The following DPYSL5 variants were observed in gnomAD, a reference collection of about 807,000 sequenced individuals.
DPYSL5 encodes the protein dihydropyrimidinase-related protein 5.
A neutral mutation model predicts 58.4 loss-of-function variants in DPYSL5; 9 were observed. That is an observed-to-expected ratio of 0.15 (90% confidence interval 0.09 to 0.27). The LOEUF is 0.27. DPYSL5 is among the 10% of genes least tolerant of loss of function. The pLI, the probability that DPYSL5 is intolerant of heterozygous loss-of-function variation, is 1.00. For missense variants in DPYSL5, 499 were observed against 770.6 expected (o/e 0.65, Z 4.17); for synonymous variants, 293 against 301.9 (o/e 0.97, Z 0.31).
chr2:26,878,185 C>G (rs1663461429), intron 1 of DPYSL5, among the ~76,000 whole-genome samples: 1 of 152,142 alleles, frequency 6.6e-6, no homozygotes, highest in Non-Finnish European at 1.5e-5. Flanking sequence ...GTTCTGTGTG[C>G]TATTATGAAT....
At chr2:26,872,806 C>T (rs1191441751) in intron 1 of DPYSL5, among the ~76,000 whole-genome samples, 5 of 146,968 alleles carry the variant, frequency 3.4e-5, no homozygotes, top group Admixed American at 6.8e-5. Context: ...GACTCTGTCT[C>T]AAAAAAATAA....
At chr2:26,945,514 C>T (rs1242271098) in intron 12 of DPYSL5, among the ~76,000 whole-genome samples, 2 of 151,054 alleles carry the variant, frequency 1.3e-5, no homozygotes, top group Non-Finnish European at 3.0e-5. Context: ...CCCCCCGTCC[C>T]CCCCCGCACC....
At chr2:26,866,175 C>A (rs1666134154) in intron 1 of DPYSL5, among the ~76,000 whole-genome samples, 1 of 152,196 alleles carries the variant, frequency 6.6e-6, no homozygotes, top group African/African-American at 2.4e-5. Context: ...TGTGTGATAT[C>A]AAGCAAATTA....
rs1202294347 is a variant in DPYSL5 at position 26,911,084 on chromosome 2, T to TA, written c.261+12324_261+12325insA. ...GTATGTGGTATCTATGTTCAGTTTT[T>TA]TTTTTTTTTTTTTTGCAAATGGCTA... is the stretch of plus-strand genomic sequence containing the variant. On this transcript the variant is annotated intron_variant, in intron 2 of 12. Coordinates refer to ENST00000288699, the MANE Select transcript of DPYSL5 (RefSeq NM_020134.4). Among the ~76,000 whole-genome samples the TA allele has an allele frequency of 2.0e-5, 3 of 150,298 alleles. No homozygotes were observed. The East Asian group carries it at 5.8e-4, about 29-fold the overall frequency.
chr2:26,930,544 G>GCAA (rs1664944808), intron 5 of DPYSL5, among the ~76,000 whole-genome samples: 1 of 152,202 alleles, frequency 6.6e-6, no homozygotes, highest in Non-Finnish European at 1.5e-5. Context: ...ACGCAACTCG[G>GCAA]CTGGGTGCAG....
At chr2:26,909,033 T>G (rs1664367025) in intron 2 of DPYSL5, among the ~76,000 whole-genome samples, 1 of 152,232 alleles carries the variant, frequency 6.6e-6, no homozygotes. Flanking sequence ...ATATTTGTGT[T>G]GAAAATAAGG....
chr2:26,853,345 A>T (rs941401220), intron 1 of DPYSL5, among the ~76,000 whole-genome samples: 5 of 152,160 alleles, frequency 3.3e-5, no homozygotes. Flanking sequence ...CCAGCTAAGA[A>T]ATACAGAATT....
At chr2:26,920,570 A>G (rs1664678062) in intron 2 of DPYSL5, among the ~76,000 whole-genome samples, 1 of 152,228 alleles carries the variant, frequency 6.6e-6, no homozygotes, top group African/African-American at 2.4e-5. Flanking sequence ...GGTCAAGACC[A>G]GTCTGGCCAA....
chr2:26,848,496 TAGTA>T (rs1665655264), intron 1 of DPYSL5: 1 of 152,382 alleles, frequency 6.6e-6, no homozygotes, highest in Non-Finnish European at 1.5e-5. Context: ...GCCTTGCTCA[TAGTA>T]AGCGTTTAAT....
intron 6 of DPYSL5, among the ~76,000 whole-genome samples, chr2:26,932,185 A>AGAAAGAC (rs1665036963): frequency 1.4e-5 from 1 of 70,300 alleles, no homozygotes; most frequent in South Asian, 5.8e-4. Context: ...GAAAGAAAGA[A>AGAAAGAC]AGAAAGAAAG....
In DPYSL5 at chr2:26,934,017, G is replaced by A. The variant is rs142920496; in HGVS notation, c.791-561G>A. ...GGGCATCCTGGCCTTCAACTCTATC[G>A]CCCTCTAGATCCCGCCACCTGCCTC... On this transcript the variant is annotated intron_variant, in intron 7 of 12. Transcript: ENST00000288699. This position sits in a 1 kb window ranked among gnomAD's most constrained non-coding sequence, Gnocchi z 4.3. Among the ~76,000 whole-genome samples the A allele has an allele frequency of 5.3e-5, 8 of 152,038 alleles. No homozygotes were observed. The highest frequency in any genetic ancestry group is 3.9e-4 in the East Asian group (2 of 5,170).
chr2:26,890,255 T>G (rs1663841329), intron 1 of DPYSL5, among the ~76,000 whole-genome samples: 1 of 152,238 alleles, frequency 6.6e-6, no homozygotes, highest in South Asian at 2.1e-4. Flanking sequence ...CTCCGCAGAC[T>G]GAGTTTCTTA....
intron 1 of DPYSL5, among the ~76,000 whole-genome samples, chr2:26,853,413 C>T (rs1665802669): frequency 6.6e-6 from 1 of 152,116 alleles, no homozygotes; most frequent in Admixed American, 6.5e-5. Context: ...GCACTCTGTG[C>T]CAGGGGTGGT....
intron 1 of DPYSL5, among the ~76,000 whole-genome samples, chr2:26,852,599 C>T (rs1665783745): frequency 6.6e-6 from 1 of 152,190 alleles, no homozygotes; most frequent in Non-Finnish European, 1.5e-5. Context: ...CCTCGCCTCC[C>T]TCCTCCCTCG....
intron 1 of DPYSL5, among the ~76,000 whole-genome samples, chr2:26,852,567 C>T (rs1428532593): frequency 6.6e-6 from 1 of 152,200 alleles, no homozygotes; most frequent in Non-Finnish European, 1.5e-5. Context: ...CCATCAATCA[C>T]AGCCCTGTTC....
In DPYSL5 at chr2:26,924,828, C is replaced by T; in HGVS notation, c.262-59C>T. 2 of 1,575,524 alleles carry T rather than the reference C, an allele frequency of 1.3e-6. No homozygotes were observed. Among genetic ancestry groups the T allele is most frequent in the Non-Finnish European group, 1.7e-6 (2 of 1,159,950 alleles). On this transcript the variant is annotated intron_variant, in intron 2 of 12. Transcript: ENST00000288699. The surrounding 1 kb of genome is among the most constrained non-coding windows in gnomAD (Gnocchi z 4.7). ...GGACCATGAGGACCATGTCTCACCA[C>T]ATCATTGACTCGGGGGCAGGCAGGG... is the stretch of plus-strand genomic sequence containing the variant.
At chr2:26,848,343 A>G (rs1252778214) in intron 1 of DPYSL5, 89 bp downstream of exon 1, 2 of 151,896 alleles carry the variant, frequency 1.3e-5, no homozygotes, top group Non-Finnish European at 2.9e-5. Flanking sequence ...GAGGCGCACA[A>G]AAGGGCGGGG....
Position 26,942,334 on chromosome 2 carries a change from T to C in DPYSL5, c.1233-209T>C, listed in dbSNP as rs3739086. Among the ~76,000 whole-genome samples the C allele has an allele frequency of 0.41, 62,188 of 151,992 alleles. 13,059 individuals carry two copies. The highest frequency in any genetic ancestry group is 0.55 in the Admixed American group (8,322 of 15,258). ...ATAAGACTGGATTAGGGCCCACCTA[T>C]ATGACCTCACTTTATCTTAATGATT... is the stretch of plus-strand genomic sequence containing the variant. On this transcript the variant is annotated intron_variant, in intron 10 of 12. Coordinates refer to ENST00000288699, the MANE Select transcript of DPYSL5 (RefSeq NM_020134.4). This position sits in a 1 kb window ranked among gnomAD's most constrained non-coding sequence, Gnocchi z 5.9.
chr2:26,864,053 G>C (rs560445090), intron 1 of DPYSL5, among the ~76,000 whole-genome samples: 11 of 152,068 alleles, frequency 7.2e-5, no homozygotes, highest in Non-Finnish European at 1.3e-4. Flanking sequence ...GACCAGCCTG[G>C]ACAACATGAC....
Sources: gnomAD v4.1 joint callset for allele counts (sites outside exome capture counted in the v4.1 genomes callset) on GRCh38, gnomAD v4.1.1 for gene constraint, Gnocchi (gnomAD v3.1) non-coding constraint, MANE v1.5 for transcripts, NCBI Gene and HGNC (gene_info 2026-07-23, HGNC 2026-07-21) for gene names.